The following SSX2IP variants were observed in gnomAD, a reference collection of about 807,000 sequenced individuals.
The protein encoded by SSX2IP is afadin- and alpha-actinin-binding protein.
In SSX2IP, 55 loss-of-function variants were observed where a neutral mutation model predicts 84.9. The ratio of observed to expected loss-of-function variants is 0.65; its 90% CI spans 0.52 to 0.81. SSX2IP has a LOEUF of 0.81. Among genes scored for constraint, SSX2IP ranks in the 30% least tolerant of loss-of-function variants. The pLI is 0.00. For missense variants in SSX2IP, 664 were observed against 705.2 expected (o/e 0.94, Z 0.66); for synonymous variants, 239 against 234.7 (o/e 1.02, Z -0.17).
Position 84,650,510 on chromosome 1 carries a change from G to A in SSX2IP, c.1522C>T (p.Leu508Phe). ...AFSGSSDWDN[L>F]IVHSRQPQKK... ...TGCGGCTGCCTCGAGTGCACTATAA[G>A]ATTGTCCCAATCAGAACCTGTTGTA... The change falls in exon 13 of 14, where the codon CTT (leucine) becomes TTT (phenylalanine). Residue 508 changes from leucine (L) to phenylalanine (F), a missense_variant. Physicochemically the swap from Leu to Phe is conservative, Grantham distance 22 (BLOSUM62 0). Transcript: ENST00000342203. 6.2e-7 allele frequency: 1 copy of A among 1,614,158 alleles called. No homozygotes were observed. Among genetic ancestry groups the A allele is most frequent in the Non-Finnish European group, 8.5e-7 (1 of 1,180,018 alleles).
intron 13 of SSX2IP, among the ~76,000 whole-genome samples, chr1:84,649,225 C>G (rs1358244927): frequency 6.6e-6 from 1 of 152,148 alleles, no homozygotes; most frequent in South Asian, 2.1e-4. Flanking sequence ...GTCATAGGTA[C>G]ACGTGGGTTC....
intron 13 of SSX2IP, among the ~76,000 whole-genome samples, chr1:84,648,634 A>T (rs1227007852): frequency 6.6e-6 from 1 of 152,208 alleles, no homozygotes; most frequent in African/African-American, 2.4e-5. Flanking sequence ...AATTGAGACA[A>T]CTATGTTATG....
intron 12 of SSX2IP, among the ~76,000 whole-genome samples, chr1:84,651,392 T>TC (rs1650228180): frequency 6.6e-6 from 1 of 152,066 alleles, no homozygotes; most frequent in Non-Finnish European, 1.5e-5. Context: ...GCATGCACAG[T>TC]CCCCCTCTCA....
chr1:84,677,898 G>A (rs1384385040), intron 1 of SSX2IP, among the ~76,000 whole-genome samples: 1 of 152,174 alleles, frequency 6.6e-6, no homozygotes. Context: ...CTGAGCCAGA[G>A]CACCCAGCTA....
At chr1:84,651,852 G>T in intron 12 of SSX2IP, 31 bp downstream of exon 12, 2 of 1,339,706 alleles carry the variant, frequency 1.5e-6, no homozygotes, top group Non-Finnish European at 1.1e-6. Context: ...TTATATGCAT[G>T]TTCAAATTAA....
chr1:84,670,915 T>C lies in SSX2IP; in HGVS notation c.44-100A>G, dbSNP rs146755840. ...AGACTTTGAATTACATATATACATA[T>C]AAACATAGATATAATATATACATAC... On this transcript the variant is annotated intron_variant, in intron 2 of 13. Coordinates refer to ENST00000342203, the MANE Select transcript of SSX2IP (RefSeq NM_001166293.2). 9.3e-4 allele frequency: 813 copies of C among 874,422 alleles called. 10 individuals are homozygous for C. The African/African-American group carries it at 0.013, about 14-fold the overall frequency. The allele number at this position is 874,422 out of a possible 1,614,324, so 54.2% of individuals were successfully genotyped here.
At chr1:84,677,835 A>T (rs1399964942) in intron 1 of SSX2IP, among the ~76,000 whole-genome samples, 3 of 151,912 alleles carry the variant, frequency 2.0e-5, no homozygotes, top group African/African-American at 7.3e-5. Context: ...CCTCATTCAA[A>T]CCCTGAGATG....
rs1649541202 is a variant in SSX2IP, at chr1:84,647,110, CA to C, written c.*322del. 5.6e-6 allele frequency: 1 copy of C among 180,164 alleles called. No individual in the cohort carries two copies. Among genetic ancestry groups the C allele is most frequent in the Non-Finnish European group, 1.2e-5 (1 of 86,896 alleles). 11.2% of individuals were successfully genotyped at this position (180,164 alleles called of 1,614,324 possible). A position where few individuals can be genotyped will look rare whatever the true frequency, so the allele number is the denominator to read the frequency against. ...TATTTGAGACAAAATTAAACATTTA[CA>C]ATAATCAGTTTCCTAAAAGTGCTAT... is the stretch of plus-strand genomic sequence containing the variant. On this transcript the variant is annotated 3_prime_UTR_variant, in exon 14 of 14. Transcript: ENST00000342203.
In SSX2IP at chr1:84,656,562, CA is replaced by C. The variant is rs578130929; in HGVS notation, c.1079-79del. On this transcript the variant is annotated intron_variant, in intron 9 of 13. Transcript: ENST00000342203. Reference sequence around the variant, plus strand: ...CAGTGTTTTGCACATATCTTTAAAACAAGGGCTCTCAGAACTTTTATCTTTC... The same window carrying C: ...CAGTGTTTTGCACATATCTTTAAAACAGGGCTCTCAGAACTTTTATCTTTC... The C allele has an allele frequency of 3.3e-4, 418 of 1,265,078 alleles. 6 individuals carry two copies. The East Asian group carries it at 0.011, about 34-fold the overall frequency. The allele number at this position is 1,265,078 out of a possible 1,614,324, so 78.4% of individuals were successfully genotyped here. A position where few individuals can be genotyped will look rare whatever the true frequency, so the allele number is the denominator to read the frequency against.
At chr1:84,663,392 T>C (rs557594064) in intron 6 of SSX2IP, among the ~76,000 whole-genome samples, 1 of 152,308 alleles carries the variant, frequency 6.6e-6, no homozygotes, top group Admixed American at 6.5e-5. Flanking sequence ...TTTTAATTTT[T>C]TTCCTTCATG....
chr1:84,650,957 G>A (rs1427656934), intron 12 of SSX2IP, among the ~76,000 whole-genome samples: 1 of 151,998 alleles, frequency 6.6e-6, no homozygotes, highest in Non-Finnish European at 1.5e-5. Context: ...CACCTGCCTC[G>A]GCCTCCCAAA....
Position 84,674,484 on chromosome 1 carries a change from G to T in SSX2IP, c.-89-3176C>A, listed in dbSNP as rs146048343. Among the ~76,000 whole-genome samples, 352 of 152,190 alleles carry T rather than the reference G, an allele frequency of 2.3e-3. 1 individual carries two copies. The highest frequency in any genetic ancestry group is 7.7e-3 in the African/African-American group (321 of 41,534). On this transcript the variant is annotated intron_variant, in intron 1 of 13. Transcript: ENST00000342203. ...TCAACTGGTTGGGGGGAAAAAACAA[G>T]GTCAGAAGAAAACAGTAATAGGCAC...
intron 1 of SSX2IP, among the ~76,000 whole-genome samples, chr1:84,676,463 T>C (rs1654346192): frequency 6.6e-6 from 1 of 152,212 alleles, no homozygotes; most frequent in Admixed American, 6.5e-5. Flanking sequence ...CTTCCCTATA[T>C]GTCACTATGG....
In SSX2IP at chr1:84,647,537, G is replaced by C; in HGVS notation, c.1741C>G (p.Gln581Glu). The C allele has an allele frequency of 6.2e-7, 1 of 1,613,420 alleles. No individual in the cohort carries two copies. The highest frequency in any genetic ancestry group is 8.5e-7 in the Non-Finnish European group (1 of 1,179,656). Residue 581 changes from glutamine (Q) to glutamate (E), a missense_variant, in exon 14 of 14, where the codon CAA (glutamine) becomes GAA (glutamate). Gln to Glu is a conservative substitution (Grantham distance 29). Transcript: ENST00000342203. ...PNQVGGECTN[Q>E]KWSVASRPGS... ...GGTCTTGATGCCACACTCCATTTTT[G>C]ATTTGTACATTCTCCTCCAACCTGA... is the stretch of plus-strand genomic sequence containing the variant.
At chr1:84,658,939 C>G (rs750974645) in intron 8 of SSX2IP, among the ~76,000 whole-genome samples, 1 of 152,092 alleles carries the variant, frequency 6.6e-6, no homozygotes, top group African/African-American at 2.4e-5. Context: ...ACTGTTAATT[C>G]TATTTTCCTC....
rs994421621 is a variant in SSX2IP, at chr1:84,690,425, C to A, written c.-144G>T. On this transcript the variant is annotated 5_prime_UTR_variant, in exon 1 of 14. Transcript: ENST00000342203. ...CACCGCTCGGCGTCCTAGCCCGGCT[C>A]CCGCAGCCCGAGGGCCAGCAGCGCC... is the stretch of plus-strand genomic sequence containing the variant. 6.6e-6 allele frequency: 1 copy of A among 151,430 alleles called. No homozygotes were observed. The highest frequency in any genetic ancestry group is 1.5e-5 in the Non-Finnish European group (1 of 67,778). The allele number at this position is 151,430 out of a possible 1,614,324, so 9.4% of individuals were successfully genotyped here.
intron 11 of SSX2IP, 116 bp downstream of exon 11, chr1:84,655,716 C>A: frequency 7.1e-7 from 1 of 1,415,510 alleles, no homozygotes; most frequent in South Asian, 1.5e-5. Context: ...GTGAGATCAC[C>A]AGTAAATATT....
chr1:84,655,975 TATC>T lies in SSX2IP; in HGVS notation c.1243_1245del (p.Asp415del). 6.2e-7 allele frequency: 1 copy of T among 1,613,448 alleles called. No individual in the cohort carries two copies. On this transcript the variant is annotated inframe_deletion, in exon 11 of 14. Coordinates refer to ENST00000342203, the MANE Select transcript of SSX2IP (RefSeq NM_001166293.2). ...TAACAGTCTCGTAATAGTGAAGTGG[TATC>T]ATCATCATATGCAGTAGCGAGCTGC...
At chr1:84,688,688 T>C (rs932879345) in intron 1 of SSX2IP, among the ~76,000 whole-genome samples, 6 of 152,248 alleles carry the variant, frequency 3.9e-5, no homozygotes, top group African/African-American at 1.4e-4. Context: ...TTTTCTCATA[T>C]ATCTGCCTCA....
Sources: allele counts gnomAD v4.1 joint callset (sites outside exome capture counted in the v4.1 genomes callset), GRCh38; gene constraint gnomAD v4.1.1; transcripts MANE v1.5; gene names NCBI Gene and HGNC (gene_info 2026-07-23, HGNC 2026-07-21).